The following ENTPD1 variants were observed in gnomAD, a reference collection of about 807,000 sequenced individuals.
ENTPD1 encodes ATP diphosphohydrolase.
ENTPD1 carries 33 observed loss-of-function variants against 57.0 expected under a neutral mutation model. That is an observed-to-expected ratio of 0.58 (90% CI 0.44 to 0.77). ENTPD1 has a LOEUF of 0.77. ENTPD1 is among the 30% of genes least tolerant of loss of function. The pLI, the probability that ENTPD1 is intolerant of heterozygous loss-of-function variation, is 0.00. For missense variants in ENTPD1, 501 were observed against 603.4 expected (o/e 0.83, Z 1.78); for synonymous variants, 202 against 218.8 (o/e 0.92, Z 0.68).
intron 1 of ENTPD1, among the ~76,000 whole-genome samples, chr10:95,776,715 TC>T (rs2098135536): frequency 6.6e-6 from 1 of 152,248 alleles, no homozygotes; most frequent in Non-Finnish European, 1.5e-5. Context: ...GTGGATAACA[TC>T]CTGAAGAGTG....
the ENTPD1 span, chr10:95,694,223 A>G: frequency 1.1e-5 from 4 of 364,178 alleles, no homozygotes; most frequent in African/African-American, 4.3e-5. Flanking sequence ...TTCCGCGCCC[A>G]CTTCGCGGCC....
At chr10:95,711,154 TTC>T (rs2097965221), upstream of ENTPD1, among the ~76,000 whole-genome samples, 1 of 152,142 alleles carries the variant, frequency 6.6e-6, no homozygotes, top group African/African-American at 2.4e-5. Flanking sequence ...CACTTTAACT[TTC>T]TCTTTCTCCC....
intron 2 of ENTPD1, among the ~76,000 whole-genome samples, chr10:95,837,952 A>G (rs936769766): frequency 4.3e-5 from 6 of 139,184 alleles, no homozygotes; most frequent in African/African-American, 1.7e-4. Flanking sequence ...ATATGTAGGG[A>G]GATTCACACA....
chr10:95,854,281 C>T (rs1262474592), intron 7 of ENTPD1, among the ~76,000 whole-genome samples: 1 of 151,930 alleles, frequency 6.6e-6, no homozygotes, highest in African/African-American at 2.4e-5. Flanking sequence ...TGGTGATATC[C>T]CCTTTACCAT....
chr10:95,787,589 AG>A (rs1377383039), intron 1 of ENTPD1, among the ~76,000 whole-genome samples: 1 of 152,172 alleles, frequency 6.6e-6, no homozygotes, highest in Non-Finnish European at 1.5e-5. Flanking sequence ...ACCCCAGTTA[AG>A]TGCAGGCTCT....
chr10:95,745,103 T>A (rs1303628678), intron 1 of ENTPD1, among the ~76,000 whole-genome samples: 1 of 152,220 alleles, frequency 6.6e-6, no homozygotes, highest in East Asian at 1.9e-4. Flanking sequence ...CTTAAAGAAA[T>A]TATAGCTTTT....
chr10:95,871,652 CTA>C lies in ENTPD1; in HGVS notation c.*5271_*5272del, dbSNP rs1184901887. ...GACTCTTCATTTGAAGTGAAGATTG[CTA>C]TGTCTTTTGCATTGCTCTATTTTAC... On this transcript the variant is annotated 3_prime_UTR_variant, in exon 10 of 10. Transcript: ENST00000371205. The C allele has an allele frequency of 2.0e-4, 199 of 985,156 alleles. No homozygotes were observed. Among genetic ancestry groups the C allele is most frequent in the Non-Finnish European group, 2.3e-4 (187 of 829,814 alleles). The allele number at this position is 985,156 out of a possible 1,614,324, so 61.0% of individuals were successfully genotyped here. A position where few individuals can be genotyped will look rare whatever the true frequency, so the allele number is the denominator to read the frequency against.
intron 1 of ENTPD1, among the ~76,000 whole-genome samples, chr10:95,732,621 G>C (rs1323585071): frequency 1.3e-5 from 2 of 152,072 alleles, no homozygotes; most frequent in Non-Finnish European, 2.9e-5. Flanking sequence ...AGGGGAACCC[G>C]CCCCCAATAA....
intron 7 of ENTPD1, among the ~76,000 whole-genome samples, chr10:95,851,594 G>A (rs1174611395): frequency 2.2e-5 from 2 of 89,254 alleles, no homozygotes; most frequent in East Asian, 2.9e-4. Context: ...CCCACCCCAC[G>A]ACAGTCCCCG....
At position 95,867,651 on chromosome 10, in the gene ENTPD1, G is replaced by A. The variant is rs935006188; in HGVS notation, c.*1268G>A. ...AAGCAGCAGCTATAGACCTTACCAT[G>A]GAAACATGAAGAGACCCTGCACCCC... On this transcript the variant is annotated 3_prime_UTR_variant, in exon 10 of 10. Coordinates refer to ENST00000371205, the MANE Select transcript of ENTPD1 (RefSeq NM_001776.6). 3 of 985,258 alleles carry A rather than the reference G, an allele frequency of 3.0e-6. No homozygotes were observed. Among genetic ancestry groups the A allele is most frequent in the Non-Finnish European group, 3.6e-6 (3 of 829,932 alleles). The allele number at this position is 985,258 out of a possible 1,614,324, so 61.0% of individuals were successfully genotyped here. A position where few individuals can be genotyped will look rare whatever the true frequency, so the allele number is the denominator to read the frequency against.
chr10:95,699,353 T>G, the ENTPD1 span, among the ~76,000 whole-genome samples: 2 of 152,242 alleles, frequency 1.3e-5, no homozygotes, highest in East Asian at 3.9e-4. Context: ...CTCATGCCTA[T>G]AATCCCAGCA....
intron 1 of ENTPD1, among the ~76,000 whole-genome samples, chr10:95,816,254 A>G (rs1279077562): frequency 6.6e-6 from 1 of 152,102 alleles, no homozygotes; most frequent in Admixed American, 6.5e-5. Flanking sequence ...CCATCACCTG[A>G]TATTTCTAGT....
At chr10:95,727,816 T>C (rs2097985261) in intron 1 of ENTPD1, among the ~76,000 whole-genome samples, 1 of 152,202 alleles carries the variant, frequency 6.6e-6, no homozygotes, top group Non-Finnish European at 1.5e-5. Flanking sequence ...AATAATATCA[T>C]CTACCTAAAT....
chr10:95,698,575 G>T, the ENTPD1 span, among the ~76,000 whole-genome samples: 5 of 152,218 alleles, frequency 3.3e-5, no homozygotes, highest in Non-Finnish European at 7.3e-5. Context: ...CTTAGAGGGT[G>T]CCCCTCCCAT....
At chr10:95,831,225 A>G (rs925601704) in intron 2 of ENTPD1, among the ~76,000 whole-genome samples, 21 of 152,308 alleles carry the variant, frequency 1.4e-4, no homozygotes, top group African/African-American at 4.8e-4. Context: ...GTGCAACTTC[A>G]TACATGGAAA....
intron 1 of ENTPD1, among the ~76,000 whole-genome samples, chr10:95,778,157 G>T (rs1188267759): frequency 6.6e-6 from 1 of 152,180 alleles, no homozygotes; most frequent in Non-Finnish European, 1.5e-5. Flanking sequence ...TGCACCCACT[G>T]TCCAACCAGT....
exon 1 of ENTPD1, chr10:95,711,850 G>T: frequency 6.6e-7 from 1 of 1,525,732 alleles, no homozygotes; most frequent in Admixed American, 1.7e-5. Flanking sequence ...TTTTGTCAGC[G>T]ATTGTCAGTG....
chr10:95,866,054 T>G, intron 9 of ENTPD1, 123 bp from the exon 10 acceptor site: 1 of 1,382,936 alleles, frequency 7.2e-7, no homozygotes, highest in South Asian at 1.2e-5. Context: ...CATGAGCCAC[T>G]GTGCCCAGCC....
intron 1 of ENTPD1, 132 bp downstream of exon 1, chr10:95,756,387 C>T: frequency 9.8e-7 from 1 of 1,023,940 alleles, no homozygotes; most frequent in Non-Finnish European, 1.4e-6. Flanking sequence ...CCACCCTCTT[C>T]CTTCTGAGAG....
Sources: allele counts gnomAD v4.1 joint callset (sites outside exome capture counted in the v4.1 genomes callset), GRCh38; gene constraint gnomAD v4.1.1; transcripts MANE v1.5; gene names NCBI Gene and HGNC (gene_info 2026-07-23, HGNC 2026-07-21).